RHOA: variants seen among roughly 807,000 people sequenced by gnomAD.
RHOA encodes transforming protein RhoA.
RHOA carries 3 observed loss-of-function variants against 17.5 expected under a neutral mutation model. The ratio of observed to expected loss-of-function variants is 0.17; its 90% CI spans 0.08 to 0.44. The LOEUF (loss-of-function observed/expected upper bound fraction) is 0.44. RHOA is among the 20% of genes least tolerant of loss of function. RHOA has a pLI of 0.99. For missense variants in RHOA, 56 were observed against 242.3 expected (o/e 0.23, Z 5.10); for synonymous variants, 98 against 88.4 (o/e 1.11, Z -0.61).
chr3:49,373,766 A>G (rs2107846274), intron 2 of RHOA, among the ~76,000 whole-genome samples: 1 of 152,176 alleles, frequency 6.6e-6, no homozygotes, highest in South Asian at 2.1e-4. Flanking sequence ...ACAGCACTGC[A>G]GGCCTGGGAG....
intron 1 of RHOA, among the ~76,000 whole-genome samples, chr3:49,394,084 A>G (rs930878755): frequency 6.6e-6 from 1 of 151,708 alleles, no homozygotes; most frequent in Non-Finnish European, 1.5e-5. Context: ...GTTAGCCAGG[A>G]TGGTCTCAAT....
At chr3:49,399,019 C>T (rs1344982372) in intron 1 of RHOA, among the ~76,000 whole-genome samples, 2 of 131,676 alleles carry the variant, frequency 1.5e-5, no homozygotes, top group Non-Finnish European at 3.1e-5. Flanking sequence ...TGTGCCACTG[C>T]ACTCCAGCCT....
At chr3:49,370,337 A>G (rs752127315) in intron 2 of RHOA, among the ~76,000 whole-genome samples, 1 of 152,240 alleles carries the variant, frequency 6.6e-6, no homozygotes, top group African/African-American at 2.4e-5. Context: ...GTAGCTTATA[A>G]AAGTGTTTAA....
intron 1 of RHOA, among the ~76,000 whole-genome samples, chr3:49,411,423 C>T (rs2048933195): frequency 1.3e-5 from 2 of 152,248 alleles, no homozygotes. Flanking sequence ...TTTCCCATTT[C>T]AACTCCGACA....
intron 1 of RHOA, among the ~76,000 whole-genome samples, chr3:49,408,656 A>G (rs987543359): frequency 1.4e-5 from 2 of 139,934 alleles, no homozygotes; most frequent in African/African-American, 2.6e-5. Flanking sequence ...GTCCCCAAAG[A>G]GCCCCATGTA....
intron 2 of RHOA, chr3:49,373,210 G>A (rs1041813684): frequency 1.1e-5 from 2 of 189,608 alleles, no homozygotes; most frequent in Non-Finnish European, 2.3e-5. Context: ...TGGGCTTGGT[G>A]GCAGGCACCT....
At position 49,385,381 on chromosome 3, in the gene RHOA, A is replaced by T. The variant is rs542864347; in HGVS notation, c.-2-9790T>A. On this transcript the variant is annotated intron_variant, in intron 1 of 4. Transcript: ENST00000418115. Reference sequence around the variant, plus strand: ...GAGGCGTCTGCCACCACGCCTGGCTAATTTTTTTATTTTTAGTAGAGACGG... The same window carrying T: ...GAGGCGTCTGCCACCACGCCTGGCTTATTTTTTTATTTTTAGTAGAGACGG... Among the ~76,000 whole-genome samples the T allele has an allele frequency of 2.2e-4, 34 of 151,674 alleles. No homozygotes were observed. The East Asian group carries it at 4.1e-3, about 18-fold the overall frequency.
chr3:49,392,121 C>T (rs1238424372), intron 1 of RHOA, among the ~76,000 whole-genome samples: 1 of 152,054 alleles, frequency 6.6e-6, no homozygotes, highest in Non-Finnish European at 1.5e-5. Flanking sequence ...AGCCACCACA[C>T]ATGGCCAATT....
intron 2 of RHOA, among the ~76,000 whole-genome samples, chr3:49,371,297 G>A (rs1019623659): frequency 2.1e-5 from 2 of 96,808 alleles, no homozygotes; most frequent in Non-Finnish European, 4.2e-5. Context: ...TTTTTTTTTT[G>A]AGACAGAGTT....
At chr3:49,393,605 T>C (rs1161976917) in intron 1 of RHOA, among the ~76,000 whole-genome samples, 74 of 147,866 alleles carry the variant, frequency 5.0e-4, no homozygotes, top group African/African-American at 1.7e-3. Flanking sequence ...CTTTTTTTTT[T>C]TTTTTTTTTT....
intron 1 of RHOA, among the ~76,000 whole-genome samples, chr3:49,403,050 A>AG (rs1318802674): frequency 2.6e-5 from 4 of 151,428 alleles, no homozygotes; most frequent in Admixed American, 1.3e-4. Context: ...AAAAAAAAAA[A>AG]AAAGAAACCC....
At chr3:49,362,369 G>A in intron 4 of RHOA, 127 bp downstream of exon 4, 3 of 902,008 alleles carry the variant, frequency 3.3e-6, no homozygotes, top group Non-Finnish European at 4.9e-6. Flanking sequence ...GGGTCAGAGG[G>A]CCACAGAGGG....
At chr3:49,398,479 T>C (rs996475812) in intron 1 of RHOA, among the ~76,000 whole-genome samples, 15 of 150,510 alleles carry the variant, frequency 1.0e-4, no homozygotes, top group African/African-American at 3.7e-4. Context: ...TAAGGAGCAG[T>C]GAAAGGGTAG....
intron 4 of RHOA, among the ~76,000 whole-genome samples, chr3:49,361,791 GA>G (rs2047976405): frequency 6.6e-6 from 1 of 152,144 alleles, no homozygotes. Context: ...TGAGGCAGGA[GA>G]ATCACTTAAA....
intron 1 of RHOA, among the ~76,000 whole-genome samples, chr3:49,393,535 C>T (rs1022646961): frequency 6.6e-6 from 1 of 150,488 alleles, no homozygotes; most frequent in Non-Finnish European, 1.5e-5. Flanking sequence ...TGGGATCAAG[C>T]GATCTACCTG....
intron 1 of RHOA, among the ~76,000 whole-genome samples, chr3:49,388,194 G>A (rs1260336903): frequency 2.6e-5 from 4 of 151,590 alleles, no homozygotes; most frequent in African/African-American, 9.7e-5. Flanking sequence ...ATTTGTGTGG[G>A]TGTGTGTGTG....
In RHOA at chr3:49,368,485, A is replaced by AG; in HGVS notation, c.219dup (p.Tyr74LeufsTer17). On this transcript the variant is annotated frameshift_variant, in exon 3 of 5. Transcript: ENST00000418115. LOFTEE classifies it high-confidence loss of function. ...ATCAGTATAACATCGGTATCTGGGT[A>AG]GGAGAGGGGCCTCAGGCGATCATAA... The AG allele has an allele frequency of 6.2e-7, 1 of 1,614,112 alleles. No homozygotes were observed. The highest frequency in any genetic ancestry group is 8.5e-7 in the Non-Finnish European group (1 of 1,180,014).
chr3:49,376,975 A>C (rs1465007628), intron 1 of RHOA, among the ~76,000 whole-genome samples: 3 of 152,128 alleles, frequency 2.0e-5, no homozygotes, highest in Non-Finnish European at 2.9e-5. Flanking sequence ...CCAAAAATAC[A>C]AAATTAGCCA....
intron 1 of RHOA, among the ~76,000 whole-genome samples, chr3:49,384,519 T>C (rs2048366425): frequency 6.6e-6 from 1 of 152,032 alleles, no homozygotes; most frequent in Non-Finnish European, 1.5e-5. Flanking sequence ...TTTTAATTTT[T>C]TTTTTTTGAG....
Sources: gnomAD v4.1 joint callset for allele counts (sites outside exome capture counted in the v4.1 genomes callset) on GRCh38, gnomAD v4.1.1 for gene constraint, MANE v1.5 for transcripts, NCBI Gene and HGNC (gene_info 2026-07-23, HGNC 2026-07-21) for gene names.